Variants in UHRF2 observed in about 807,000 individuals in gnomAD.
UHRF2 encodes the protein E3 ubiquitin-protein ligase UHRF2.
Under a neutral mutation model 96.8 loss-of-function variants are expected in UHRF2, and 23 were observed. The ratio of observed to expected loss-of-function variants is 0.24; its 90% CI spans 0.17 to 0.34. The LOEUF (loss-of-function observed/expected upper bound fraction) is 0.34. UHRF2 is among the 10% of genes least tolerant of loss of function. The pLI is 1.00. For missense variants in UHRF2, 685 were observed against 981.5 expected, an observed-to-expected ratio of 0.70 and a Z score of 4.04; for synonymous variants, 385 against 332.6, an observed-to-expected ratio of 1.16 and a Z score of -1.72.
chr9:6,435,485 A>G (rs912474689), intron 3 of UHRF2, among the ~76,000 whole-genome samples: 1 of 152,264 alleles, frequency 6.6e-6, no homozygotes, highest in African/African-American at 2.4e-5. Context: ...ACCTGTTTAA[A>G]GAGTATAATT....
intron 9 of UHRF2, among the ~76,000 whole-genome samples, chr9:6,487,287 C>G (rs1219735875): frequency 7.4e-6 from 1 of 135,520 alleles, no homozygotes; most frequent in Non-Finnish European, 1.5e-5. Context: ...CCTTTGGGTT[C>G]AAGTGATTTT....
chr9:6,450,828 C>A (rs181851106), intron 3 of UHRF2, among the ~76,000 whole-genome samples: 107 of 152,242 alleles, frequency 7.0e-4, no homozygotes, highest in African/African-American at 2.3e-3. Context: ...AATGTTCCAG[C>A]CCTGGGTTCA....
intron 8 of UHRF2, among the ~76,000 whole-genome samples, chr9:6,485,511 G>C (rs888487164): frequency 6.6e-6 from 1 of 151,746 alleles, no homozygotes; most frequent in African/African-American, 2.4e-5. Flanking sequence ...AGATCAAATG[G>C]TACCTTCTGC....
chr9:6,473,813 T>G (rs1167871551), intron 4 of UHRF2, among the ~76,000 whole-genome samples: 2 of 152,222 alleles, frequency 1.3e-5, no homozygotes, highest in East Asian at 3.8e-4. Context: ...AACTTTATTT[T>G]TAAAGTTTTT....
chr9:6,475,425 A>G lies in UHRF2; in HGVS notation c.898A>G (p.Ile300Val), dbSNP rs769460270. The G allele has an allele frequency of 6.3e-7, 1 of 1,582,018 alleles. No individual in the cohort carries two copies. The change falls in exon 5 of 16, where the codon ATA becomes GTA. Residue 300 changes from isoleucine (I) to valine (V), a missense_variant. This residue lies in a region of UHRF2 where 391 missense variants were observed against 437.0 expected (regional missense o/e 0.89). Transcript: ENST00000276893. ...SEGTLNDCKIISVDEIFKIER... is the reference protein window; with the variant it reads ...SEGTLNDCKIVSVDEIFKIER... The stretch of plus-strand genomic sequence containing the variant: ...AGGAACATTAAATGACTGCAAGATA[A>G]TATCTGTAGATGAAATCTTCAAGAT...
At chr9:6,491,229 T>A (rs1824639464) in intron 9 of UHRF2, among the ~76,000 whole-genome samples, 1 of 152,170 alleles carries the variant, frequency 6.6e-6, no homozygotes, top group Admixed American at 6.5e-5. Context: ...CCAGAGTCTG[T>A]TTGGTTTTGT....
chr9:6,456,729 C>T (rs1201048519), intron 3 of UHRF2, among the ~76,000 whole-genome samples: 7 of 152,120 alleles, frequency 4.6e-5, no homozygotes, highest in African/African-American at 1.4e-4. Flanking sequence ...AGGAAAGGGT[C>T]CAGTTTCAGT....
At chr9:6,446,265 C>G (rs1350418319) in intron 3 of UHRF2, among the ~76,000 whole-genome samples, 1 of 151,976 alleles carries the variant, frequency 6.6e-6, no homozygotes, top group Non-Finnish European at 1.5e-5. Flanking sequence ...ATTCTCATAC[C>G]TCAGCCTCCC....
chr9:6,441,066 A>C (rs1428775983), intron 3 of UHRF2, among the ~76,000 whole-genome samples: 2 of 152,226 alleles, frequency 1.3e-5, no homozygotes, highest in African/African-American at 4.8e-5. Context: ...GGCCAGGAGC[A>C]TCAGCACCAC....
rs1032865430 is a variant in UHRF2 at position 6,473,404 on chromosome 9, G to A, written c.864-1987G>A. Reference sequence around the variant, plus strand: ...AGCTATACTACTGGGTCACCAACTAGTTTAGTGAGGTCATTTCTCTGTAAA... The same window carrying A: ...AGCTATACTACTGGGTCACCAACTAATTTAGTGAGGTCATTTCTCTGTAAA... On this transcript the variant is annotated intron_variant, in intron 4 of 15. Coordinates refer to ENST00000276893, the MANE Select transcript of UHRF2 (RefSeq NM_152896.3). Among the ~76,000 whole-genome samples the A allele has an allele frequency of 2.0e-5, 3 of 152,160 alleles. No homozygotes were observed. The East Asian group carries it at 5.8e-4, about 29-fold the overall frequency.
intron 9 of UHRF2, among the ~76,000 whole-genome samples, chr9:6,490,120 T>C (rs1230768647): frequency 6.6e-6 from 1 of 152,246 alleles, no homozygotes; most frequent in Admixed American, 6.5e-5. Flanking sequence ...ACATTTGTTT[T>C]TAGTGTCTGA....
At chr9:6,469,668 G>A (rs894157582) in intron 4 of UHRF2, among the ~76,000 whole-genome samples, 2 of 104,148 alleles carry the variant, frequency 1.9e-5, no homozygotes, top group African/African-American at 5.6e-5. Flanking sequence ...GTGTGTGTGT[G>A]TGTGTGTGTA....
chr9:6,467,397 T>C (rs1264455625), intron 4 of UHRF2, among the ~76,000 whole-genome samples: 1 of 152,080 alleles, frequency 6.6e-6, no homozygotes, highest in Non-Finnish European at 1.5e-5. Flanking sequence ...TGCAAAGTCT[T>C]TTTTGCCATA....
chr9:6,454,758 C>T (rs1385311355), intron 3 of UHRF2, among the ~76,000 whole-genome samples: 1 of 152,120 alleles, frequency 6.6e-6, no homozygotes, highest in Non-Finnish European at 1.5e-5. Context: ...AAGATTTCTT[C>T]CCTTAGTTTC....
At chr9:6,440,024 A>G (rs1821073271) in intron 3 of UHRF2, among the ~76,000 whole-genome samples, 3 of 152,172 alleles carry the variant, frequency 2.0e-5, no homozygotes, top group Admixed American at 1.3e-4. Context: ...TATCTTCCTC[A>G]ATGTTCTGTA....
chr9:6,478,886 C>T (rs972487668), intron 6 of UHRF2, among the ~76,000 whole-genome samples: 3 of 152,164 alleles, frequency 2.0e-5, no homozygotes, highest in African/African-American at 4.8e-5. Context: ...CTGAATTTTA[C>T]CATCGCTAAT....
intron 14 of UHRF2, among the ~76,000 whole-genome samples, chr9:6,504,016 T>G (rs1302562385): frequency 2.2e-5 from 2 of 90,660 alleles, no homozygotes; most frequent in African/African-American, 6.8e-5. Flanking sequence ...AATAGAAGAC[T>G]TTTTTTTTTT....
intron 3 of UHRF2, among the ~76,000 whole-genome samples, chr9:6,438,128 G>A (rs1381445459): frequency 6.6e-6 from 1 of 152,190 alleles, no homozygotes; most frequent in Non-Finnish European, 1.5e-5. Context: ...CCTGGATTAT[G>A]ATTGTTCCCA....
chr9:6,457,762 T>C (rs1328013995), intron 3 of UHRF2, among the ~76,000 whole-genome samples: 2 of 152,238 alleles, frequency 1.3e-5, no homozygotes, highest in African/African-American at 2.4e-5. Context: ...GTTAAGATAA[T>C]CATGTGGTTT....
Sources: allele counts gnomAD v4.1 joint callset (sites outside exome capture counted in the v4.1 genomes callset), GRCh38; gene constraint gnomAD v4.1.1; regional missense constraint gnomAD v4.1.1; transcripts MANE v1.5; gene names NCBI Gene and HGNC (gene_info 2026-07-23, HGNC 2026-07-21).